The following SLC25A48 variants were observed in gnomAD, a reference collection of about 807,000 sequenced individuals.
SLC25A48 encodes CTC-321K16.1.
A neutral mutation model predicts 32.2 loss-of-function variants in SLC25A48; 29 were observed. The observed-to-expected ratio is 0.90, with a 90% CI of 0.67 to 1.23. The LOEUF (loss-of-function observed/expected upper bound fraction) is 1.23, where lower values mean the gene tolerates loss of function less well. Among genes scored for constraint, SLC25A48 ranks in the 50% most tolerant of loss-of-function variants. The pLI is 0.00. For synonymous variants in SLC25A48, 164 were observed against 172.3 expected, an observed-to-expected ratio of 0.95 and a Z score of 0.38; for missense variants, 399 against 422.7, an observed-to-expected ratio of 0.94 and a Z score of 0.49.
intron 3 of SLC25A48, among the ~76,000 whole-genome samples, chr5:135,730,050 A>G (rs1755188903): frequency 6.6e-6 from 1 of 152,222 alleles, no homozygotes; most frequent in South Asian, 2.1e-4. Flanking sequence ...GTATATAAAG[A>G]GGTTGCAGGC....
chr5:135,618,350 A>AT (rs144264552), intron 1 of SLC25A48, among the ~76,000 whole-genome samples: 3,023 of 151,282 alleles, frequency 0.02, 95 homozygotes, highest in African/African-American at 0.068. Context: ...TAGGTGGATC[A>AT]TTTTTTTTTA....
At position 135,849,124 on chromosome 5, in the gene SLC25A48, G is replaced by A. The variant is rs530070888; in HGVS notation, c.91-1301G>A. Among the ~76,000 whole-genome samples the A allele has an allele frequency of 7.6e-4, 116 of 152,316 alleles. 1 individual carries two copies. Among genetic ancestry groups the A allele is most frequent in the Non-Finnish European group, 1.4e-3 (92 of 68,024 alleles). On this transcript the variant is annotated intron_variant, in intron 2 of 7. Transcript: ENST00000681962. ...GAAAATACAGAAAAGTCCCATGCAG[G>A]AAAACATCGCCTGTGATCTTCACCT...
intron 3 of SLC25A48, among the ~76,000 whole-genome samples, chr5:135,775,846 C>T (rs1240686957): frequency 1.3e-5 from 2 of 151,428 alleles, no homozygotes; most frequent in Non-Finnish European, 2.9e-5. Context: ...GGGTTGTACG[C>T]CCCTTTTGTG....
intron 4 of SLC25A48, among the ~76,000 whole-genome samples, chr5:135,858,156 C>G (rs1024549099): frequency 1.3e-5 from 2 of 152,212 alleles, no homozygotes; most frequent in Non-Finnish European, 1.5e-5. Flanking sequence ...GAGGCAGCAA[C>G]AGAAAATGAA....
intron 1 of SLC25A48, among the ~76,000 whole-genome samples, chr5:135,598,061 C>G (rs1751701195): frequency 6.6e-6 from 1 of 151,882 alleles, no homozygotes; most frequent in Non-Finnish European, 1.5e-5. Flanking sequence ...AGCAACGTCC[C>G]CAACTAGGAG....
At chr5:135,849,019 G>A (rs939042834) in intron 2 of SLC25A48, among the ~76,000 whole-genome samples, 1 of 152,140 alleles carries the variant, frequency 6.6e-6, no homozygotes, top group Non-Finnish European at 1.5e-5. Flanking sequence ...ATTTCCATAC[G>A]AGTTGTGTAC....
chr5:135,607,416 C>G (rs1751964559), intron 1 of SLC25A48, among the ~76,000 whole-genome samples: 1 of 152,224 alleles, frequency 6.6e-6, no homozygotes, highest in Non-Finnish European at 1.5e-5. Flanking sequence ...CATCCTTCAT[C>G]TTCCTACTCA....
intron 3 of SLC25A48, among the ~76,000 whole-genome samples, chr5:135,666,153 G>A (rs1753520785): frequency 6.6e-6 from 1 of 152,174 alleles, no homozygotes; most frequent in Non-Finnish European, 1.5e-5. Context: ...ATCCTGACCA[G>A]CTCTGCCACC....
intron 3 of SLC25A48, among the ~76,000 whole-genome samples, chr5:135,708,766 A>G (rs966107458): frequency 1.3e-5 from 2 of 152,194 alleles, no homozygotes; most frequent in African/African-American, 4.8e-5. Context: ...TGTCTTCAGA[A>G]TCATTCTTCA....
rs1344632388 is a variant in SLC25A48 at position 135,630,585 on chromosome 5, C to CA, written c.-709+1210dup. 2.1e-3 allele frequency among the ~76,000 whole-genome samples: 239 copies of CA among 115,724 alleles called. 4 individuals carry two copies. Among genetic ancestry groups the CA allele is most frequent in the Non-Finnish European group, 3.3e-3 (183 of 55,712 alleles). The allele number at this position is 115,724 out of a possible 152,430, so 75.9% of individuals were successfully genotyped here. A position where few individuals can be genotyped will look rare whatever the true frequency, so the allele number is the denominator to read the frequency against. On this transcript the variant is annotated intron_variant, in intron 2 of 10. Coordinates refer to the SLC25A48 transcript ENST00000646290. Reference sequence around the variant, plus strand: ...AGCAGGGGAAGATGGTTAGGCTGGGCACCTTTTTTTTTTTTTTTTTTTTTT... The same window carrying CA: ...AGCAGGGGAAGATGGTTAGGCTGGGCAACCTTTTTTTTTTTTTTTTTTTTTT...
intron 4 of SLC25A48, among the ~76,000 whole-genome samples, chr5:135,858,215 G>A (rs1360404310): frequency 6.6e-6 from 1 of 152,188 alleles, no homozygotes; most frequent in Non-Finnish European, 1.5e-5. Context: ...CAGCCTTTTG[G>A]GAGCTTGGAG....
rs201918970 is a variant in SLC25A48 at position 135,588,347 on chromosome 5, A to G, written c.-849+8750A>G. On this transcript the variant is annotated intron_variant, in intron 1 of 10. Transcript: ENST00000646290. ...TTGGATTGGGATGAAAAACATGATT[A>G]TCCAAGTTGCCATCCTTGGCCTGAA... Among the ~76,000 whole-genome samples the G allele has an allele frequency of 1.5e-4, 23 of 152,380 alleles. 1 individual carries two copies. In the East Asian group the frequency reaches 4.4e-3, roughly 29 times the overall value.
intron 3 of SLC25A48, among the ~76,000 whole-genome samples, chr5:135,810,045 C>T (rs1477488790): frequency 6.6e-6 from 1 of 152,048 alleles, no homozygotes; most frequent in Non-Finnish European, 1.5e-5. Context: ...AATACATTGT[C>T]CAGGCTAGTC....
chr5:135,850,233 A>G (rs1018884027), intron 2 of SLC25A48, among the ~76,000 whole-genome samples, 192 bp from the exon 3 acceptor site: 1 of 152,184 alleles, frequency 6.6e-6, no homozygotes, highest in African/African-American at 2.4e-5. Context: ...CTCTGCATTG[A>G]GTGAGTCTGA....
intron 7 of SLC25A48, chr5:135,883,307 G>A: frequency 3.0e-6 from 3 of 985,490 alleles, no homozygotes; most frequent in Non-Finnish European, 3.6e-6. Context: ...CTTTGGACCT[G>A]CACCTGGTAA....
intron 3 of SLC25A48, among the ~76,000 whole-genome samples, chr5:135,760,127 G>A (rs1023001300): frequency 2.6e-5 from 4 of 152,070 alleles, no homozygotes; most frequent in Non-Finnish European, 2.9e-5. Context: ...CACCGCGCCC[G>A]GCCCCTGTTA....
chr5:135,885,401 A>T (rs6596272), intron 7 of SLC25A48, among the ~76,000 whole-genome samples: 6,138 of 152,184 alleles, frequency 0.04, 159 homozygotes, highest in Middle Eastern at 0.065. Flanking sequence ...TTTAACCTAC[A>T]GGACACTCTT....
chr5:135,865,188 G>A (rs889148284), intron 4 of SLC25A48, among the ~76,000 whole-genome samples: 3 of 152,226 alleles, frequency 2.0e-5, no homozygotes, highest in Non-Finnish European at 4.4e-5. Context: ...GCATGGGGTT[G>A]TACATTAAGT....
At chr5:135,662,702 C>CCCT (rs10659126) in intron 3 of SLC25A48, among the ~76,000 whole-genome samples, 110,203 of 151,652 alleles carry the variant, frequency 0.73, 40,492 homozygotes, top group Middle Eastern at 0.82. Context: ...CTGCCTCTCC[C>CCCT]CCTCAGGTCC....
Sources: allele counts gnomAD v4.1 joint callset (sites outside exome capture counted in the v4.1 genomes callset), GRCh38; gene constraint gnomAD v4.1.1; transcripts MANE v1.5; gene names NCBI Gene and HGNC (gene_info 2026-07-23, HGNC 2026-07-21).